NR2E1: variants seen among roughly 807,000 people sequenced by gnomAD.
The protein encoded by NR2E1 is nuclear receptor TLX.
Under a neutral mutation model 43.6 loss-of-function variants are expected in NR2E1, and 5 were observed. That is an observed-to-expected ratio of 0.11 (90% CI 0.06 to 0.24). The LOEUF (loss-of-function observed/expected upper bound fraction) is 0.24, where lower values mean the gene tolerates loss of function less well. NR2E1 is among the 10% of genes least tolerant of loss of function. The pLI is 1.00. For synonymous variants in NR2E1, 191 were observed against 195.5 expected (o/e 0.98, Z 0.19); for missense variants, 287 against 496.7 (o/e 0.58, Z 4.01).
chr6:108,171,420 G>A (rs982752438), intron 1 of NR2E1, 38 bp from the exon 2 acceptor site: 5 of 1,610,476 alleles, frequency 3.1e-6, no homozygotes, highest in Non-Finnish European at 4.2e-6. Context: ...TTTCCCTCTC[G>A]CCCCTTCCCC....
chr6:108,170,520 G>A (rs57246335), intron 1 of NR2E1, among the ~76,000 whole-genome samples: 1,687 of 151,720 alleles, frequency 0.011, 39 homozygotes, highest in African/African-American at 0.039. Flanking sequence ...CAGGCTTGAG[G>A]GGATTCCAGG....
chr6:108,187,188 T>C lies in NR2E1; in HGVS notation c.996-113T>C, dbSNP rs905267575. The C allele has an allele frequency of 3.2e-6, 4 of 1,247,418 alleles. No homozygotes were observed. In the Admixed American group the frequency reaches 6.7e-5, roughly 21 times the overall value. The allele number at this position is 1,247,418 out of a possible 1,614,324, so 77.3% of individuals were successfully genotyped here. On this transcript the variant is annotated intron_variant, in intron 8 of 8. Transcript: ENST00000368986. ...GAACTTTGCTGCAGGGATACTGTGT[T>C]ATTCAAGAGACCTAGATCAGCAATG...
intron 3 of NR2E1, among the ~76,000 whole-genome samples, chr6:108,175,505 AG>A (rs2114675341): frequency 6.6e-6 from 1 of 152,334 alleles, no homozygotes; most frequent in East Asian, 1.9e-4. Flanking sequence ...CTGGAGAGGC[AG>A]GGTAACGCCC....
chr6:108,174,743 C>T, intron 2 of NR2E1, 93 bp from the exon 3 acceptor site: 4 of 1,043,092 alleles, frequency 3.8e-6, no homozygotes, highest in South Asian at 1.3e-5. Flanking sequence ...CGGGCAAGGT[C>T]GCGCCTCCAC....
chr6:108,170,774 C>G (rs552613985), intron 1 of NR2E1, among the ~76,000 whole-genome samples: 1 of 152,278 alleles, frequency 6.6e-6, no homozygotes, highest in Admixed American at 6.5e-5. Context: ...TCCCCTCTCC[C>G]TTGCCTAGTC....
chr6:108,177,003 A>G lies in NR2E1; in HGVS notation c.495+265A>G, dbSNP rs539181976. Among the ~76,000 whole-genome samples, 11 of 152,200 alleles carry G rather than the reference A, an allele frequency of 7.2e-5. No homozygotes were observed. The South Asian group carries it at 2.1e-3, about 29-fold the overall frequency. On this transcript the variant is annotated intron_variant, in intron 4 of 8. Transcript: ENST00000368986. ...ATCCCCCCAGAAATTTCATTTCAGCAAGTTTGGGGTGGAGGCCAGGAACCT... is the reference window on the plus strand; with the variant it reads ...ATCCCCCCAGAAATTTCATTTCAGCGAGTTTGGGGTGGAGGCCAGGAACCT...
chr6:108,170,249 C>T (rs1773788904), intron 1 of NR2E1, among the ~76,000 whole-genome samples: 1 of 152,138 alleles, frequency 6.6e-6, no homozygotes, highest in Admixed American at 6.5e-5. Flanking sequence ...AAACTGGAGG[C>T]CTTCGGATAG....
rs1410431181 is a variant in NR2E1 at position 108,169,940 on chromosome 6, A to G, written c.26-1518A>G. 6.6e-6 allele frequency among the ~76,000 whole-genome samples: 1 copy of G among 151,972 alleles called. No individual in the cohort carries two copies. Among genetic ancestry groups the G allele is most frequent in the Non-Finnish European group, 1.5e-5 (1 of 67,984 alleles). On this transcript the variant is annotated intron_variant, in intron 1 of 8. Transcript: ENST00000368986. This position sits in a 1 kb window ranked among gnomAD's most constrained non-coding sequence, Gnocchi z 6.1. ...AATTACCCGGCCGAGCCTGGTCGTT[A>G]CCGAACACCCCCTCACCCCCAAGCA...
chr6:108,180,761 G>C lies in NR2E1; in HGVS notation c.740-46G>C. 1.3e-6 allele frequency: 2 copies of C among 1,580,440 alleles called. No individual in the cohort carries two copies. Among genetic ancestry groups the C allele is most frequent in the East Asian group, 2.2e-5 (1 of 44,682 alleles). On this transcript the variant is annotated intron_variant, in intron 6 of 8. Transcript: ENST00000368986. The surrounding 1 kb of genome is among the most constrained non-coding windows in gnomAD (Gnocchi z 5.4). ...TTGTCAAAAATCAATATTAAATCATGAAAATGCCTTCATATTAGAGTATTT... is the reference window on the plus strand; with the variant it reads ...TTGTCAAAAATCAATATTAAATCATCAAAATGCCTTCATATTAGAGTATTT...
intron 2 of NR2E1, among the ~76,000 whole-genome samples, chr6:108,174,259 G>A (rs1562403399): frequency 6.6e-6 from 1 of 152,214 alleles, no homozygotes; most frequent in Non-Finnish European, 1.5e-5. Flanking sequence ...GAGGTAATAG[G>A]AGAGTGAAGA....
At chr6:108,181,509 A>G (rs529244487) in intron 7 of NR2E1, 37 bp from the exon 8 acceptor site, 18 of 1,550,962 alleles carry the variant, frequency 1.2e-5, no homozygotes, top group African/African-American at 1.1e-4. Flanking sequence ...TGCAATTTCT[A>G]TGCTGTCTAT....
chr6:108,186,066 G>C (rs559902618), intron 8 of NR2E1, among the ~76,000 whole-genome samples: 42 of 152,264 alleles, frequency 2.8e-4, no homozygotes, highest in Admixed American at 5.9e-4. Context: ...AGGTGAAAGG[G>C]AGACACGGAT....
At chr6:108,186,993 A>G (rs553574825) in intron 8 of NR2E1, among the ~76,000 whole-genome samples, 2 of 152,274 alleles carry the variant, frequency 1.3e-5, no homozygotes, top group Non-Finnish European at 2.9e-5. Context: ...TAAATTTATT[A>G]TTTGGCTTAA....
In NR2E1 at chr6:108,180,529, A is replaced by G. The variant is rs1773966789; in HGVS notation, c.739+110A>G. 4 of 819,272 alleles carry G rather than the reference A, an allele frequency of 4.9e-6. No homozygotes were observed. Among genetic ancestry groups the G allele is most frequent in the Non-Finnish European group, 8.5e-6 (4 of 472,814 alleles). The allele number at this position is 819,272 out of a possible 1,614,324, so 50.8% of individuals were successfully genotyped here. A position where few individuals can be genotyped will look rare whatever the true frequency, so the allele number is the denominator to read the frequency against. ...ACAAATTCCTGCTGAACAATAGAGT[A>G]TACCTGTCATTTATAAATCTATATT... On this transcript the variant is annotated intron_variant, in intron 6 of 8. Coordinates refer to ENST00000368986, the MANE Select transcript of NR2E1 (RefSeq NM_003269.5). The surrounding 1 kb of genome is among the most constrained non-coding windows in gnomAD (Gnocchi z 5.4).
At chr6:108,185,162 C>A (rs1562407449) in intron 8 of NR2E1, among the ~76,000 whole-genome samples, 1 of 152,148 alleles carries the variant, frequency 6.6e-6, no homozygotes, top group Non-Finnish European at 1.5e-5. Flanking sequence ...TTACAGCTCT[C>A]TAAGCTATTT....
In NR2E1 at chr6:108,169,708, A is replaced by AT. The variant is rs1461876504; in HGVS notation, c.26-1750_26-1749insT. ...GACAGGCCCGAAGGAGTGGAGGACA[A>AT]GACCCGCTGTGCCCTTGCCTGGCCC... On this transcript the variant is annotated intron_variant, in intron 1 of 8. Coordinates refer to ENST00000368986, the MANE Select transcript of NR2E1 (RefSeq NM_003269.5). This position sits in a 1 kb window ranked among gnomAD's most constrained non-coding sequence, Gnocchi z 6.1. Among the ~76,000 whole-genome samples, 1 of 152,010 alleles carries AT rather than the reference A, an allele frequency of 6.6e-6. No individual in the cohort carries two copies. The highest frequency in any genetic ancestry group is 2.4e-5 in the African/African-American group (1 of 41,404).
intron 1 of NR2E1, chr6:108,168,283 C>A: frequency 2.0e-6 from 2 of 981,120 alleles, no homozygotes; most frequent in Non-Finnish European, 3.0e-6. Context: ...GCCCGTGGGT[C>A]TCGGCAGGCC....
chr6:108,178,820 A>T (rs1236213825), intron 5 of NR2E1: 1 of 164,446 alleles, frequency 6.1e-6, no homozygotes, highest in African/African-American at 2.4e-5. Flanking sequence ...TTTTGTAAAC[A>T]AATAGGCATT....
In NR2E1 at chr6:108,185,409, T is replaced by TACACACAC. The variant is rs3040212; in HGVS notation, c.996-1876_996-1869dup. ...ACACACACACACACGCACACACACA[T>TACACACAC]ACACACACACACACACACACACATT... On this transcript the variant is annotated intron_variant, in intron 8 of 8. Coordinates refer to ENST00000368986, the MANE Select transcript of NR2E1 (RefSeq NM_003269.5). Among the ~76,000 whole-genome samples, 373 of 146,890 alleles carry TACACACAC rather than the reference T, an allele frequency of 2.5e-3. 2 individuals carry two copies. The highest frequency in any genetic ancestry group is 0.016 in the South Asian group (71 of 4,448).
Sources: allele counts gnomAD v4.1 joint callset (sites outside exome capture counted in the v4.1 genomes callset), GRCh38; gene constraint gnomAD v4.1.1; non-coding constraint Gnocchi (gnomAD v3.1); transcripts MANE v1.5; gene names NCBI Gene and HGNC (gene_info 2026-07-23, HGNC 2026-07-21).